Variants in HSPBAP1 observed in about 807,000 individuals in gnomAD.
HSPBAP1 encodes the protein HSPB1-associated protein 1.
A neutral mutation model predicts 45.2 loss-of-function variants in HSPBAP1; 27 were observed. That is an observed-to-expected ratio of 0.60 (90% CI 0.44 to 0.82). The LOEUF is 0.82. HSPBAP1 is among the 40% of genes least tolerant of loss of function. The probability of loss-of-function intolerance (pLI) is 0.00; values close to 1 mark genes in which losing one functional copy is unlikely to be tolerated. For synonymous variants in HSPBAP1, 204 were observed against 202.7 expected, an observed-to-expected ratio of 1.01 and a Z score of -0.06; for missense variants, 510 against 590.9, an observed-to-expected ratio of 0.86 and a Z score of 1.42.
At chr3:122,746,733 G>T (rs1483872313) in intron 6 of HSPBAP1, among the ~76,000 whole-genome samples, 1 of 151,648 alleles carries the variant, frequency 6.6e-6, no homozygotes, top group African/African-American at 2.4e-5. Flanking sequence ...CTGCCATCTC[G>T]GCTCACTGCA....
intron 5 of HSPBAP1, chr3:122,753,517 C>T (rs895889174): frequency 1.3e-5 from 13 of 983,792 alleles, no homozygotes; most frequent in African/African-American, 1.2e-4. Context: ...ACTTATTAAA[C>T]GTTAAGATAT....
chr3:122,779,165 C>G (rs890707345), intron 1 of HSPBAP1, among the ~76,000 whole-genome samples: 7 of 151,946 alleles, frequency 4.6e-5, no homozygotes, highest in African/African-American at 1.7e-4. Context: ...CCTCAGCCTT[C>G]CGAGTAGCTG....
At chr3:122,768,196 C>A (rs1016666980) in intron 3 of HSPBAP1, among the ~76,000 whole-genome samples, 1 of 152,156 alleles carries the variant, frequency 6.6e-6, no homozygotes, top group Admixed American at 6.5e-5. Context: ...ACAGGGCTTC[C>A]ACTACCAAAT....
intron 5 of HSPBAP1, chr3:122,753,781 A>G: frequency 1.0e-6 from 1 of 985,336 alleles, no homozygotes; most frequent in Non-Finnish European, 1.2e-6. Context: ...TGCATGTCCT[A>G]TCAGAGTAAA....
At chr3:122,759,880 T>C (rs897384882) in intron 3 of HSPBAP1, among the ~76,000 whole-genome samples, 5 of 152,232 alleles carry the variant, frequency 3.3e-5, no homozygotes, top group Admixed American at 6.5e-5. Context: ...TAACTTTGTG[T>C]ACTTCAATGA....
At position 122,740,443 on chromosome 3, in the gene HSPBAP1, G is replaced by GAGA. The variant is rs16338; in HGVS notation, c.1368_1369insTCT (p.Pro456_Gln457insSer). ...AAGTCATCCGTAGAAATGAATGTTT[G>GAGA]AGGAGTCGTAGTAGTATTTGAGGCA... On this transcript the variant is annotated inframe_insertion, in exon 8 of 8. Transcript: ENST00000306103. 0.15 allele frequency: 238,324 copies of GAGA among 1,613,506 alleles called. 18,186 individuals carry two copies. The highest frequency in any genetic ancestry group is 0.19 in the African/African-American group (14,435 of 74,918).
chr3:122,780,099 C>A (rs1935360176), intron 1 of HSPBAP1, among the ~76,000 whole-genome samples: 1 of 150,404 alleles, frequency 6.6e-6, no homozygotes, highest in Non-Finnish European at 1.5e-5. Flanking sequence ...CAGAGGCGCC[C>A]CTCACCTCCC....
chr3:122,743,654 G>T (rs1933748965), intron 6 of HSPBAP1, among the ~76,000 whole-genome samples: 1 of 152,110 alleles, frequency 6.6e-6, no homozygotes, highest in Admixed American at 6.5e-5. Flanking sequence ...GGGTCATATG[G>T]TATATCAGTC....
chr3:122,768,863 T>C lies in HSPBAP1; in HGVS notation c.270A>G (p.Thr90=), dbSNP rs772856661. ...CGAGTGTAGCTTCTACGTAATTACA[T>C]GTAGTTTCAAACTGAGGAACTGCAA... ...SMSTVPQFET[T]CNYVEATLEE... is the part of the protein sequence containing the mutation. Residue 90 remains threonine, a synonymous_variant, in exon 3 of 8, where the codon ACA becomes ACG. Transcript: ENST00000306103. 7.5e-6 allele frequency: 12 copies of C among 1,610,068 alleles called. No homozygotes were observed. The South Asian group carries it at 9.9e-5, about 13-fold the overall frequency.
intron 4 of HSPBAP1, among the ~76,000 whole-genome samples, chr3:122,755,855 T>C (rs1235065293): frequency 1.3e-5 from 2 of 152,190 alleles, no homozygotes; most frequent in Non-Finnish European, 2.9e-5. Context: ...CATAGTTCTA[T>C]CCACCAAATA....
At chr3:122,741,361 A>G (rs912509325) in intron 6 of HSPBAP1, 1 of 451,134 alleles carries the variant, frequency 2.2e-6, no homozygotes, top group African/African-American at 1.9e-5. Flanking sequence ...GGCCTTAAGT[A>G]TGAATCACCT....
chr3:122,781,870 A>C (rs1935499254), intron 1 of HSPBAP1, among the ~76,000 whole-genome samples: 1 of 152,196 alleles, frequency 6.6e-6, no homozygotes, highest in South Asian at 2.1e-4. Flanking sequence ...CCAATTCACC[A>C]TTAGTGGGCA....
chr3:122,747,939 AG>A (rs1933970709), intron 6 of HSPBAP1, among the ~76,000 whole-genome samples: 1 of 152,216 alleles, frequency 6.6e-6, no homozygotes, highest in Non-Finnish European at 1.5e-5. Flanking sequence ...TGGAATAGAA[AG>A]GGGGGAACGG....
intron 5 of HSPBAP1, chr3:122,753,544 TAAAC>T (rs1172284971): frequency 1.5e-5 from 15 of 984,578 alleles, no homozygotes; most frequent in Non-Finnish European, 1.6e-5. Context: ...GAAGGTATAA[TAAAC>T]AAAAGCAATG....
Position 122,740,359 on chromosome 3 carries a change from C to T in HSPBAP1, c.1453G>A (p.Gly485Arg), listed in dbSNP as rs1352395899. ...TTCCACTTGAATCATAAACTTCTTC[C>T]TTGTATCAAAAGTTGTGCCACTATC... ...TRIVAQLLIQ[G>R]RSL The change falls in exon 8 of 8, where the codon GGA becomes AGA. Residue 485 changes from glycine to arginine, a missense_variant. Physicochemically the swap from Gly to Arg is moderately radical, Grantham distance 125. Transcript: ENST00000306103. 1 of 1,598,750 alleles carries T rather than the reference C, an allele frequency of 6.3e-7. No homozygotes were observed. Among genetic ancestry groups the T allele is most frequent in the African/African-American group, 1.3e-5 (1 of 74,498 alleles).
In HSPBAP1 at chr3:122,752,611, TACTGACAGTGA is replaced by T; in HGVS notation, c.794_804del (p.Val265AspfsTer6). ...AGTACCAGTTCAATCCATGAGTTTA[TACTGACAGTGA>T]CAGGATCAATGGATTCTACGTAATG... is the stretch of plus-strand genomic sequence containing the variant. On this transcript the variant is annotated frameshift_variant, in exon 6 of 8. Coordinates refer to ENST00000306103, the MANE Select transcript of HSPBAP1 (RefSeq NM_024610.6). LOFTEE classifies it high-confidence loss of function. 6.3e-7 allele frequency: 1 copy of T among 1,592,510 alleles called. No individual in the cohort carries two copies. The highest frequency in any genetic ancestry group is 8.6e-7 in the Non-Finnish European group (1 of 1,169,380).
intron 1 of HSPBAP1, among the ~76,000 whole-genome samples, chr3:122,779,913 A>T (rs9809995): frequency 0.87 from 130,275 of 149,952 alleles, 56,562 homozygotes; most frequent in East Asian, 0.98. Context: ...ACTTCTTTCT[A>T]CACAGACACG....
Position 122,755,364 on chromosome 3 carries a change from C to T in HSPBAP1, c.637G>A (p.Glu213Lys). The stretch of plus-strand genomic sequence containing the variant: ...TTGATTTTACTGAACACACTAGATT[C>T]TTCATAAGGGATTCTAGTTGGATAA... The part of the protein sequence containing the change: ...FLYPTRIPYE[E>K]SSVFSKINVV... The change falls in exon 5 of 8, where the codon GAA (glutamate) becomes AAA (lysine). Residue 213 changes from glutamate (E) to lysine (K), a missense_variant. By Grantham distance (56) the Glu-to-Lys change is moderately conservative. Transcript: ENST00000306103. 6.3e-7 allele frequency: 1 copy of T among 1,594,982 alleles called. No homozygotes were observed. The highest frequency in any genetic ancestry group is 8.5e-7 in the Non-Finnish European group (1 of 1,170,972).
At chr3:122,779,177 G>C (rs1015499140) in intron 1 of HSPBAP1, among the ~76,000 whole-genome samples, 1 of 152,000 alleles carries the variant, frequency 6.6e-6, no homozygotes, top group Non-Finnish European at 1.5e-5. Context: ...GAGTAGCTGG[G>C]ATTACAGGCA....
Sources: allele counts gnomAD v4.1 joint callset (sites outside exome capture counted in the v4.1 genomes callset), GRCh38; gene constraint gnomAD v4.1.1; transcripts MANE v1.5; gene names NCBI Gene and HGNC (gene_info 2026-07-23, HGNC 2026-07-21).